Variants in KIAA1549 observed in about 807,000 individuals in gnomAD.
KIAA1549 encodes KIAA1549.
KIAA1549 carries 70 observed loss-of-function variants against 156.4 expected under a neutral mutation model. The ratio of observed to expected loss-of-function variants is 0.45; its 90% CI spans 0.37 to 0.55. The LOEUF (loss-of-function observed/expected upper bound fraction) is 0.55. Among genes scored for constraint, KIAA1549 ranks in the 20% least tolerant of loss-of-function variants. The pLI, the probability that KIAA1549 is intolerant of heterozygous loss-of-function variation, is 0.00. For missense variants in KIAA1549, 2,428 were observed against 2,540.9 expected (o/e 0.96, Z 0.96); for synonymous variants, 1,103 against 1,066.4 (o/e 1.03, Z -0.67).
chr7:138,832,728 A>C lies in KIAA1549; in HGVS notation c.*5178T>G, dbSNP rs1809574644. On this transcript the variant is annotated 3_prime_UTR_variant, in exon 20 of 20. Transcript: ENST00000422774. Reference sequence around the variant, plus strand: ...TTCAATGCTGCTGTGTTTTAAGATAAATTATCAAGCCTACTGTCACACACA... The same window carrying C: ...TTCAATGCTGCTGTGTTTTAAGATACATTATCAAGCCTACTGTCACACACA... The C allele has an allele frequency of 4.6e-6, 1 of 219,736 alleles. No individual in the cohort carries two copies. Among genetic ancestry groups the C allele is most frequent in the African/African-American group, 2.2e-5 (1 of 44,564 alleles). The allele number at this position is 219,736 out of a possible 1,614,324, so 13.6% of individuals were successfully genotyped here. A position where few individuals can be genotyped will look rare whatever the true frequency, so the allele number is the denominator to read the frequency against.
intron 5 of KIAA1549, among the ~76,000 whole-genome samples, chr7:138,907,332 C>G (rs1812036623): frequency 6.6e-6 from 1 of 152,174 alleles, no homozygotes; most frequent in Non-Finnish European, 1.5e-5. Flanking sequence ...TACAGCTCCT[C>G]CCACCCCAAA....
chr7:138,939,180 T>A (rs1453791929), intron 1 of KIAA1549, among the ~76,000 whole-genome samples: 1 of 152,224 alleles, frequency 6.6e-6, no homozygotes, highest in East Asian at 1.9e-4. Context: ...TCAGCATCTC[T>A]GATAAGGACT....
At position 138,861,337 on chromosome 7, in the gene KIAA1549, T is replaced by G. The variant is rs772431409; in HGVS notation, c.5049A>C (p.Ala1683=). 1 of 1,608,980 alleles carries G rather than the reference T, an allele frequency of 6.2e-7. No individual in the cohort carries two copies. The highest frequency in any genetic ancestry group is 8.5e-7 in the Non-Finnish European group (1 of 1,178,440). Residue 1683 remains alanine, a synonymous_variant, in exon 16 of 20, where the codon GCA becomes GCC. Coordinates refer to ENST00000422774, the MANE Select transcript of KIAA1549 (RefSeq NM_001164665.2). ...YIPPQPSIEE[A]RQTMHSLLDD... The stretch of plus-strand genomic sequence containing the variant: ...CCAGGAGGGAGTGCATGGTCTGGCG[T>G]GCCTCCTCGATGGACGGCTGGGGTG...
intron 1 of KIAA1549, among the ~76,000 whole-genome samples, chr7:138,970,464 GC>G (rs1814186356): frequency 6.6e-6 from 1 of 152,178 alleles, no homozygotes. Flanking sequence ...TGAGATCTGG[GC>G]TGCATTTTTA....
chr7:138,840,515 C>T (rs747612516), intron 18 of KIAA1549, among the ~76,000 whole-genome samples: 17 of 152,146 alleles, frequency 1.1e-4, no homozygotes, highest in Non-Finnish European at 2.2e-4. Context: ...AAATGTACCA[C>T]GAAGCACCGT....
intron 19 of KIAA1549, among the ~76,000 whole-genome samples, chr7:138,838,842 G>A (rs1809825172): frequency 6.6e-6 from 1 of 152,118 alleles, no homozygotes; most frequent in African/African-American, 2.4e-5. Flanking sequence ...TGACCGAGCA[G>A]TGTTCCAAAG....
At chr7:138,878,067 C>A (rs924030737) in intron 12 of KIAA1549, among the ~76,000 whole-genome samples, 1 of 152,184 alleles carries the variant, frequency 6.6e-6, no homozygotes, top group Non-Finnish European at 1.5e-5. Flanking sequence ...GTATCGGTTA[C>A]CATGGTGCTA....
chr7:138,853,085 T>C (rs1265488935), intron 16 of KIAA1549, among the ~76,000 whole-genome samples: 1 of 152,252 alleles, frequency 6.6e-6, no homozygotes, highest in African/African-American at 2.4e-5. Context: ...ACATTTCTTT[T>C]CAATAACTGT....
At chr7:138,849,034 C>T (rs557035003) in intron 17 of KIAA1549, among the ~76,000 whole-genome samples, 40 of 152,242 alleles carry the variant, frequency 2.6e-4, no homozygotes, top group African/African-American at 9.1e-4. Context: ...CATCCAGCCC[C>T]AAATTTATTA....
chr7:138,907,351 A>C (rs1206207218), intron 5 of KIAA1549, among the ~76,000 whole-genome samples: 1 of 152,232 alleles, frequency 6.6e-6, no homozygotes. Flanking sequence ...AATGCCACTG[A>C]AATAACAATA....
rs376038326 is a variant in KIAA1549, at chr7:138,917,832, C to T, written c.1794G>A (p.Val598=). The change falls in exon 2 of 20, where the codon GTG becomes GTA. Residue 598 remains valine (V), a synonymous_variant. Transcript: ENST00000422774. ...VFTPYSLVPS[V]ESSLFSDQER... ...CTTGGTCAGAGAAAAGTGAAGACTC[C>T]ACTGAAGGAACCAGACTATAAGGCG... 1.1e-5 allele frequency: 17 copies of T among 1,600,342 alleles called. No individual in the cohort carries two copies. Among genetic ancestry groups the T allele is most frequent in the Non-Finnish European group, 1.4e-5 (16 of 1,173,474 alleles).
Position 138,919,112 on chromosome 7 carries a change from C to G in KIAA1549, c.514G>C (p.Val172Leu). Reference protein sequence around the residue: ...PDTHWTTPRMVSPIQYITVSP... With the variant: ...PDTHWTTPRMLSPIQYITVSP... ...ACTGTGATATACTGTATTGGAGAAA[C>G]CATCCGTGGAGTGGTCCAGTGAGTA... Residue 172 changes from valine to leucine, a missense_variant, in exon 2 of 20, where the codon GTT becomes CTT. Val to Leu is a conservative substitution (Grantham distance 32). Coordinates refer to ENST00000422774, the MANE Select transcript of KIAA1549 (RefSeq NM_001164665.2). 6.2e-7 allele frequency: 1 copy of G among 1,614,018 alleles called. No individual in the cohort carries two copies.
rs1170828492 is a variant in KIAA1549, at chr7:138,968,872, A to C, written c.187+12211T>G. Among the ~76,000 whole-genome samples the C allele has an allele frequency of 3.3e-5, 5 of 151,884 alleles. No individual in the cohort carries two copies. In the East Asian group the frequency reaches 9.6e-4, roughly 29 times the overall value. ...CAGACTCCGTCTCAAAAAAAAAAAA[A>C]AAAAAAAACACCTTGTGCTCCAATA... On this transcript the variant is annotated intron_variant, in intron 1 of 19. Coordinates refer to ENST00000422774, the MANE Select transcript of KIAA1549 (RefSeq NM_001164665.2).
In KIAA1549 at chr7:138,869,520, C is replaced by T. The variant is rs372793233; in HGVS notation, c.4775+18G>A. ...TCTGCGCGCCCGCCCCACCGCCTAG[C>T]GCAGAGCCCCAGCCCACCTCTTCCT... On this transcript the variant is annotated intron_variant, in intron 14 of 19. Coordinates refer to ENST00000422774, the MANE Select transcript of KIAA1549 (RefSeq NM_001164665.2). 164 of 1,546,726 alleles carry T rather than the reference C, an allele frequency of 1.1e-4. No homozygotes were observed. Among genetic ancestry groups the T allele is most frequent in the Admixed American group, 2.7e-4 (14 of 51,256 alleles).
chr7:138,969,781 C>CG, intron 1 of KIAA1549, among the ~76,000 whole-genome samples: 1 of 152,020 alleles, frequency 6.6e-6, no homozygotes. Flanking sequence ...TTAATAGGGA[C>CG]GGGGTTTCAC....
intron 8 of KIAA1549, among the ~76,000 whole-genome samples, chr7:138,902,289 C>A (rs771265555): frequency 1.4e-4 from 22 of 152,144 alleles, no homozygotes; most frequent in Non-Finnish European, 2.8e-4. Flanking sequence ...CTAGGCAACA[C>A]TTCCCGGCTC....
Position 138,871,159 on chromosome 7 carries a change from C to G in KIAA1549, c.4549G>C (p.Glu1517Gln), listed in dbSNP as rs748517025. 6.2e-7 allele frequency: 1 copy of G among 1,611,064 alleles called. No homozygotes were observed. The highest frequency in any genetic ancestry group is 1.1e-5 in the South Asian group (1 of 91,060). The change falls in exon 13 of 20, where the codon GAG becomes CAG. Residue 1517 changes from glutamate to glutamine, a missense_variant and splice_region_variant. By Grantham distance (29) the Glu-to-Gln change is conservative. Around this residue, in one of 5 missense-constraint regions of KIAA1549, gnomAD observed 404 missense variants for 417.0 expected, o/e 0.97. Transcript: ENST00000422774. Reference protein sequence around the residue: ...RVAESNKINKEIQTALRHKSE... With the variant: ...RVAESNKINKQIQTALRHKSE... The stretch of plus-strand genomic sequence containing the variant: ...GACTTTTAAATAAAAGCAAATACCT[C>G]TTTGTTGATTTTATTGCTTTCCGCC...
intron 1 of KIAA1549, among the ~76,000 whole-genome samples, chr7:138,928,638 A>G (rs1448213619): frequency 6.6e-6 from 1 of 152,236 alleles, no homozygotes; most frequent in Non-Finnish European, 1.5e-5. Context: ...TTGGTCCTGG[A>G]CAAACTTAAT....
In KIAA1549 at chr7:138,846,672, A is replaced by C. The variant is rs1810085860; in HGVS notation, c.5295-2198T>G. 2.0e-5 allele frequency among the ~76,000 whole-genome samples: 3 copies of C among 152,250 alleles called. No individual in the cohort carries two copies. The South Asian group carries it at 6.2e-4, about 32-fold the overall frequency. ...ATATTATGAAAGTTGTTTTGATCTC[A>C]CAGACACGCCCTCCCCCAAAAGGGT... is the stretch of plus-strand genomic sequence containing the variant. On this transcript the variant is annotated intron_variant, in intron 17 of 19. Transcript: ENST00000422774.
Sources: allele counts gnomAD v4.1 joint callset (sites outside exome capture counted in the v4.1 genomes callset), GRCh38; gene constraint gnomAD v4.1.1; regional missense constraint gnomAD v4.1.1; transcripts MANE v1.5; gene names NCBI Gene and HGNC (gene_info 2026-07-23, HGNC 2026-07-21).